CTNNA1: variants seen among roughly 807,000 people sequenced by gnomAD.
The protein encoded by CTNNA1 is catenin alpha-1.
A neutral mutation model predicts 98.4 loss-of-function variants in CTNNA1; 37 were observed. That is an observed-to-expected ratio of 0.38 (90% CI 0.29 to 0.49). The LOEUF is 0.49. Ranked by LOEUF, CTNNA1 falls within the 20% of genes least tolerant of loss-of-function variation. The pLI is 0.95. For synonymous variants in CTNNA1, 404 were observed against 413.2 expected, an observed-to-expected ratio of 0.98 and a Z score of 0.27; for missense variants, 761 against 1,147.2, an observed-to-expected ratio of 0.66 and a Z score of 4.86.
rs1239423079 is a variant in CTNNA1, at chr5:138,874,204, G to A, written c.1063-12008G>A. 1 of 1,613,896 alleles carries A rather than the reference G, an allele frequency of 6.2e-7. No individual in the cohort carries two copies. On this transcript the variant is annotated intron_variant, in intron 7 of 17. Transcript: ENST00000302763. This position sits in a 1 kb window ranked among gnomAD's most constrained non-coding sequence, Gnocchi z 4.1. ...TTGTGTTTGGCAAGTAAAATATTTT[G>A]TTGGAACTTAAGATTAATTCCTTAA...
chr5:138,876,216 C>A (rs1751476269), intron 7 of CTNNA1, among the ~76,000 whole-genome samples: 2 of 152,146 alleles, frequency 1.3e-5, no homozygotes, highest in Non-Finnish European at 2.9e-5. Flanking sequence ...TAACTAAAAG[C>A]CTCCGCTGGT....
intron 1 of CTNNA1, among the ~76,000 whole-genome samples, chr5:138,776,194 T>G (rs1754145555): frequency 6.6e-6 from 1 of 151,544 alleles, no homozygotes; most frequent in South Asian, 2.1e-4. Flanking sequence ...CCCTGCGGCC[T>G]TCCGCAGTGT....
intron 11 of CTNNA1, among the ~76,000 whole-genome samples, chr5:138,921,272 G>A (rs1301986754): frequency 6.6e-6 from 1 of 152,190 alleles, no homozygotes; most frequent in Non-Finnish European, 1.5e-5. Context: ...CATTCTCTGT[G>A]CTTACATGTT....
At chr5:138,887,019 T>A (rs1019910031) in intron 8 of CTNNA1, among the ~76,000 whole-genome samples, 15 of 152,048 alleles carry the variant, frequency 9.9e-5, no homozygotes, top group African/African-American at 3.6e-4. Context: ...GTATCAGAAA[T>A]GGTTATAAAG....
chr5:138,816,924 C>A (rs1759493726), intron 5 of CTNNA1, among the ~76,000 whole-genome samples: 2 of 152,290 alleles, frequency 1.3e-5, no homozygotes, highest in South Asian at 2.1e-4. Flanking sequence ...GTCTCGAACT[C>A]CTGGCCTCAA....
intron 7 of CTNNA1, among the ~76,000 whole-genome samples, chr5:138,854,758 A>T (rs1488114611): frequency 6.6e-6 from 1 of 152,122 alleles, no homozygotes; most frequent in Non-Finnish European, 1.5e-5. Context: ...CTCTGTAGAC[A>T]CTGTTCATTA....
chr5:138,783,452 G>A, intron 3 of CTNNA1, 80 bp downstream of exon 3: 2 of 1,246,124 alleles, frequency 1.6e-6, no homozygotes, highest in Non-Finnish European at 2.3e-6. Context: ...TTTGTGGTCA[G>A]TATTCTCATT....
At position 138,927,514 on chromosome 5, in the gene CTNNA1, T is replaced by TTG. The variant is rs1208127086; in HGVS notation, c.1900-1731_1900-1730insGT. On this transcript the variant is annotated intron_variant, in intron 13 of 17. Coordinates refer to ENST00000302763, the MANE Select transcript of CTNNA1 (RefSeq NM_001903.5). ...CTTGAGAGCACCTTCTCGTGAGACT[T>TTG]TTCCAAACACCCATATAGAATTAAA... Among the ~76,000 whole-genome samples the TTG allele has an allele frequency of 4.2e-5, 6 of 143,788 alleles. No individual in the cohort carries two copies. In the South Asian group the frequency reaches 1.4e-3, roughly 34 times the overall value. The allele number at this position is 143,788 out of a possible 152,430, so 94.3% of individuals were successfully genotyped here.
chr5:138,753,484 A>G lies in CTNNA1; in HGVS notation c.-29A>G. On this transcript the variant is annotated 5_prime_UTR_variant, in exon 1 of 18. Coordinates refer to ENST00000302763, the MANE Select transcript of CTNNA1 (RefSeq NM_001903.5). ...CGCCCGTCTGCTTCGGGCCTCTGGA[A>G]TTTAGCGCTCGCCCAGCTAGCCGCA... The G allele has an allele frequency of 2.7e-6, 1 of 372,464 alleles. No individual in the cohort carries two copies. The highest frequency in any genetic ancestry group is 4.8e-6 in the Non-Finnish European group (1 of 209,258). 23.1% of individuals were successfully genotyped at this position (372,464 alleles called of 1,614,324 possible).
At chr5:138,918,285 T>C (rs1308533811) in intron 11 of CTNNA1, among the ~76,000 whole-genome samples, 1 of 152,210 alleles carries the variant, frequency 6.6e-6, no homozygotes, top group Non-Finnish European at 1.5e-5. Context: ...GATCTGTGTC[T>C]TGGTGGAGAC....
At chr5:138,930,737 C>T in intron 15 of CTNNA1, 83 bp downstream of exon 15, 1 of 1,547,866 alleles carries the variant, frequency 6.5e-7, no homozygotes, top group South Asian at 1.1e-5. Flanking sequence ...TCAGACAGCC[C>T]AGGCCATGGG....
intron 7 of CTNNA1, among the ~76,000 whole-genome samples, chr5:138,851,169 A>G (rs187826062): frequency 1.3e-5 from 2 of 152,300 alleles, no homozygotes; most frequent in South Asian, 2.1e-4. Context: ...AGAACATATC[A>G]TGGATGACAG....
chr5:138,909,299 A>G (rs1379505678), intron 10 of CTNNA1, among the ~76,000 whole-genome samples: 1 of 151,998 alleles, frequency 6.6e-6, no homozygotes, highest in African/African-American at 2.4e-5. Context: ...AATTTACACA[A>G]AGGATGAATT....
At chr5:138,905,849 T>C (rs886356529) in intron 10 of CTNNA1, among the ~76,000 whole-genome samples, 3 of 152,200 alleles carry the variant, frequency 2.0e-5, no homozygotes, top group African/African-American at 7.2e-5. Flanking sequence ...TGTAAATTGC[T>C]CATGGCATAC....
At chr5:138,838,059 T>C (rs1761957162) in intron 7 of CTNNA1, among the ~76,000 whole-genome samples, 1 of 152,180 alleles carries the variant, frequency 6.6e-6, no homozygotes, top group South Asian at 2.1e-4. Context: ...CACTGCCATG[T>C]CTGGCTAAGT....
intron 6 of CTNNA1, among the ~76,000 whole-genome samples, chr5:138,825,392 C>T (rs1258323374): frequency 6.6e-6 from 1 of 150,998 alleles, no homozygotes; most frequent in African/African-American, 2.4e-5. Context: ...CCTGTGTACA[C>T]AACTCTTAAG....
At chr5:138,835,305 G>A (rs539525839) in intron 7 of CTNNA1, among the ~76,000 whole-genome samples, 1 of 152,328 alleles carries the variant, frequency 6.6e-6, no homozygotes, top group South Asian at 2.1e-4. Flanking sequence ...TGCTAGACTG[G>A]TGGTACTTGA....
chr5:138,814,458 A>C (rs374659828), intron 5 of CTNNA1, among the ~76,000 whole-genome samples: 2 of 152,250 alleles, frequency 1.3e-5, no homozygotes. Context: ...TGCTGGAGCT[A>C]ATTGATCCTG....
rs747221402 is a variant in CTNNA1 at position 138,824,628 on chromosome 5, A to G, written c.687A>G (p.Leu229=). 5.6e-6 allele frequency: 9 copies of G among 1,614,220 alleles called. No individual in the cohort carries two copies. In the South Asian group the frequency reaches 7.7e-5, roughly 14 times the overall value. Residue 229 remains leucine, a synonymous_variant, in exon 6 of 18, where the codon CTA becomes CTG. Coordinates refer to ENST00000302763, the MANE Select transcript of CTNNA1 (RefSeq NM_001903.5). ...PILYTASQAC[L]QHPDVAAYKA... is the part of the protein sequence containing the mutation. ...TCTATACTGCATCCCAGGCATGCCT[A>G]CAGCACCCTGATGTCGCAGCCTATA...
Sources: allele counts gnomAD v4.1 joint callset (sites outside exome capture counted in the v4.1 genomes callset), GRCh38; gene constraint gnomAD v4.1.1; non-coding constraint Gnocchi (gnomAD v3.1); transcripts MANE v1.5; gene names NCBI Gene and HGNC (gene_info 2026-07-23, HGNC 2026-07-21).